Variants in SNX1 observed in about 807,000 individuals in gnomAD.
SNX1 encodes sorting nexin 1.
A neutral mutation model predicts 71.8 loss-of-function variants in SNX1; 36 were observed. The observed-to-expected ratio is 0.50, with a 90% CI of 0.38 to 0.66. The LOEUF (loss-of-function observed/expected upper bound fraction) is 0.66. Ranked by LOEUF, SNX1 falls within the 30% of genes least tolerant of loss-of-function variation. The probability of loss-of-function intolerance (pLI) is 0.00; values close to 1 mark genes in which losing one functional copy is unlikely to be tolerated. For missense variants in SNX1, 612 were observed against 646.7 expected, an observed-to-expected ratio of 0.95 and a Z score of 0.58; for synonymous variants, 254 against 240.7, an observed-to-expected ratio of 1.06 and a Z score of -0.51.
rs577394279 is a variant in SNX1, at chr15:64,112,699, A to C, written c.271+15A>C. On this transcript the variant is annotated intron_variant, in intron 2 of 14. Coordinates refer to ENST00000559844, the MANE Select transcript of SNX1 (RefSeq NM_003099.5). The stretch of plus-strand genomic sequence containing the variant: ...TCTCTTTGCAGGCAAGTTTGGACTC[A>C]AAAGTTACTCTAGGAACCTCCTAAA... The C allele has an allele frequency of 5.5e-4, 850 of 1,556,382 alleles. 10 individuals carry two copies. In the South Asian group the frequency reaches 8.8e-3, roughly 16 times the overall value.
chr15:64,135,166 G>A (rs1486450048), intron 12 of SNX1, among the ~76,000 whole-genome samples: 1 of 151,904 alleles, frequency 6.6e-6, no homozygotes, highest in South Asian at 2.1e-4. Flanking sequence ...TCAACAGGCT[G>A]GAGTGCAGTG....
chr15:64,119,363 C>T (rs1274005224), intron 4 of SNX1, among the ~76,000 whole-genome samples: 1 of 152,084 alleles, frequency 6.6e-6, no homozygotes, highest in Non-Finnish European at 1.5e-5. Flanking sequence ...CTCAAGTGAT[C>T]CTCCTGCCTT....
chr15:64,126,076 A>C lies in SNX1; in HGVS notation c.511-3A>C. ...TTGCCTTGTGTTTTTTCCTGTCCCCAAGACAAGCTTACCATTGTTCAGAAG... is the reference window on the plus strand; with the variant it reads ...TTGCCTTGTGTTTTTTCCTGTCCCCCAGACAAGCTTACCATTGTTCAGAAG... On this transcript the variant is annotated splice_region_variant and splice_polypyrimidine_tract_variant and intron_variant, in intron 5 of 14. Coordinates refer to ENST00000559844, the MANE Select transcript of SNX1 (RefSeq NM_003099.5). 1.2e-6 allele frequency: 2 copies of C among 1,614,084 alleles called. No individual in the cohort carries two copies. The highest frequency in any genetic ancestry group is 1.7e-6 in the Non-Finnish European group (2 of 1,179,994).
chr15:64,100,928 C>A (rs1298397531), intron 1 of SNX1, among the ~76,000 whole-genome samples: 1 of 152,162 alleles, frequency 6.6e-6, no homozygotes, highest in East Asian at 1.9e-4. Flanking sequence ...CCTCAGCCTC[C>A]TGCGTAGCAT....
At chr15:64,124,055 C>T (rs1230655253) in intron 5 of SNX1, among the ~76,000 whole-genome samples, 1 of 150,542 alleles carries the variant, frequency 6.6e-6, no homozygotes, top group East Asian at 1.9e-4. Flanking sequence ...ATTGGATCCA[C>T]CTGCGTGTTT....
chr15:64,136,893 G>A lies in SNX1; in HGVS notation c.1479G>A (p.Val493=). 1.9e-6 allele frequency: 3 copies of A among 1,613,968 alleles called. No homozygotes were observed. The highest frequency in any genetic ancestry group is 2.5e-6 in the Non-Finnish European group (3 of 1,179,908). The change falls in exon 14 of 15, where the codon GTG becomes GTA. Residue 493 remains valine (V), a synonymous_variant. Transcript: ENST00000559844. The part of the protein sequence containing the change: ...KEKSKDFKNH[V]IKYLETLLYS... ...AATCCAAGGACTTCAAGAACCACGT[G>A]ATCAAGTACCTTGAGACACTCCTTT...
In SNX1 at chr15:64,142,223, C is replaced by T. The variant is rs2081421298; in HGVS notation, c.*4605C>T. On this transcript the variant is annotated 3_prime_UTR_variant, in exon 15 of 15. Coordinates refer to ENST00000559844, the MANE Select transcript of SNX1 (RefSeq NM_003099.5). ...GTGTGTGGTGGTGCATGCCTGTAGG[C>T]CCAGCTACGCGGGAACATCACCTGA... 1 of 164,008 alleles carries T rather than the reference C, an allele frequency of 6.1e-6. No homozygotes were observed. The highest frequency in any genetic ancestry group is 6.2e-5 in the Admixed American group (1 of 16,154). The allele number at this position is 164,008 out of a possible 1,614,324, so 10.2% of individuals were successfully genotyped here.
In SNX1 at chr15:64,143,733, A is replaced by G. The variant is rs1170037457; in HGVS notation, c.*6115A>G. ...TGAAGCAGGCATTTTCCAATGCCCT[A>G]GATGGGAATATAAGTGTAAGGAGAT... On this transcript the variant is annotated 3_prime_UTR_variant, in exon 15 of 15. Transcript: ENST00000559844. 6.6e-6 allele frequency: 1 copy of G among 152,226 alleles called. No homozygotes were observed. The highest frequency in any genetic ancestry group is 2.4e-5 in the African/African-American group (1 of 41,452). The allele number at this position is 152,226 out of a possible 1,614,324, so 9.4% of individuals were successfully genotyped here.
chr15:64,134,390 C>T lies in SNX1; in HGVS notation c.1222-274C>T, dbSNP rs2081336270. 5 of 436,550 alleles carry T rather than the reference C, an allele frequency of 1.1e-5. No individual in the cohort carries two copies. In the East Asian group the frequency reaches 1.7e-4, roughly 14 times the overall value. 27.0% of individuals were successfully genotyped at this position (436,550 alleles called of 1,614,324 possible). ...CACTTCTGTAAGCCATAGTATTGGTCACTGGCATGAGGCCACCTACTGGAT... is the reference window on the plus strand; with the variant it reads ...CACTTCTGTAAGCCATAGTATTGGTTACTGGCATGAGGCCACCTACTGGAT... On this transcript the variant is annotated intron_variant, in intron 11 of 14. Coordinates refer to ENST00000559844, the MANE Select transcript of SNX1 (RefSeq NM_003099.5). This position sits in a 1 kb window ranked among gnomAD's most constrained non-coding sequence, Gnocchi z 4.1.
rs1194119256 is a variant in SNX1, at chr15:64,142,394, G to T, written c.*4776G>T. On this transcript the variant is annotated 3_prime_UTR_variant, in exon 15 of 15. Transcript: ENST00000559844. ...TTTAAGTAGGGGAGATAGAGTTAAA[G>T]GAGGCTTTGTTTTATTTAAAGGTGG... is the stretch of plus-strand genomic sequence containing the variant. The T allele has an allele frequency of 1.0e-5, 3 of 286,412 alleles. No homozygotes were observed. The East Asian group carries it at 2.9e-4, about 27-fold the overall frequency. 17.7% of individuals were successfully genotyped at this position (286,412 alleles called of 1,614,324 possible).
At position 64,138,279 on chromosome 15, in the gene SNX1, A is replaced by C. The variant is rs78118062; in HGVS notation, c.*661A>C. 2.4e-4 allele frequency: 308 copies of C among 1,288,994 alleles called. 1 individual carries two copies. The Middle Eastern group carries it at 2.8e-3, about 12-fold the overall frequency. 79.8% of individuals were successfully genotyped at this position (1,288,994 alleles called of 1,614,324 possible). On this transcript the variant is annotated 3_prime_UTR_variant, in exon 15 of 15. Coordinates refer to ENST00000559844, the MANE Select transcript of SNX1 (RefSeq NM_003099.5). ...TCTTAAAATAAGAGGAGCAAAATCT[A>C]TTAAAACCTATTCTCCTGCAAAGGA...
In SNX1 at chr15:64,143,941, C is replaced by T. The variant is rs375522788; in HGVS notation, c.*6323C>T. ...TAAATGAATTATGGTACAGTTACAC[C>T]GTTGAATATTTTACAGCCATTGAAG... is the stretch of plus-strand genomic sequence containing the variant. On this transcript the variant is annotated 3_prime_UTR_variant, in exon 15 of 15. Transcript: ENST00000559844. The T allele has an allele frequency of 5.3e-5, 8 of 152,176 alleles. No individual in the cohort carries two copies. The highest frequency in any genetic ancestry group is 2.1e-4 in the South Asian group (1 of 4,818). 9.4% of individuals were successfully genotyped at this position (152,176 alleles called of 1,614,324 possible). A position where few individuals can be genotyped will look rare whatever the true frequency, so the allele number is the denominator to read the frequency against.
chr15:64,136,778 G>C, intron 13 of SNX1, 83 bp from the exon 14 acceptor site: 1 of 969,310 alleles, frequency 1.0e-6, no homozygotes, highest in Non-Finnish European at 1.6e-6. Context: ...GACTGTGTTT[G>C]GCCTTGGTCA....
At chr15:64,100,640 A>G (rs1056120245) in intron 1 of SNX1, among the ~76,000 whole-genome samples, 5 of 151,486 alleles carry the variant, frequency 3.3e-5, no homozygotes, top group Non-Finnish European at 7.4e-5. Flanking sequence ...ACTCAAAAAA[A>G]TTACTGAAAT....
intron 2 of SNX1, among the ~76,000 whole-genome samples, chr15:64,114,917 A>G (rs1337818118): frequency 6.6e-6 from 1 of 152,132 alleles, no homozygotes; most frequent in Non-Finnish European, 1.5e-5. Context: ...CAAGGTGGGA[A>G]GATTCCTTGA....
chr15:64,133,103 T>G (rs1310014059), intron 11 of SNX1, among the ~76,000 whole-genome samples: 1 of 152,178 alleles, frequency 6.6e-6, no homozygotes, highest in Non-Finnish European at 1.5e-5. Flanking sequence ...GAAGTGTGCC[T>G]CATGGCACAT....
In SNX1 at chr15:64,134,360, G is replaced by A. The variant is rs577809543; in HGVS notation, c.1222-304G>A. 23 of 308,578 alleles carry A rather than the reference G, an allele frequency of 7.5e-5. No homozygotes were observed. The East Asian group carries it at 1.3e-3, about 17-fold the overall frequency. 19.1% of individuals were successfully genotyped at this position (308,578 alleles called of 1,614,324 possible). A position where few individuals can be genotyped will look rare whatever the true frequency, so the allele number is the denominator to read the frequency against. ...AGCCTTATGAACTGACTGATCTGAG[G>A]GAGGCACTTCTGTAAGCCATAGTAT... On this transcript the variant is annotated intron_variant, in intron 11 of 14. Coordinates refer to ENST00000559844, the MANE Select transcript of SNX1 (RefSeq NM_003099.5). The surrounding 1 kb of genome is among the most constrained non-coding windows in gnomAD (Gnocchi z 4.1).
chr15:64,132,890 C>G (rs574174049), intron 11 of SNX1, among the ~76,000 whole-genome samples: 1 of 152,318 alleles, frequency 6.6e-6, no homozygotes, highest in South Asian at 2.1e-4. Context: ...ATGAGTCTAC[C>G]TGCTATGTAA....
intron 1 of SNX1, among the ~76,000 whole-genome samples, chr15:64,098,433 C>T (rs950673512): frequency 6.6e-5 from 10 of 152,176 alleles, no homozygotes; most frequent in Admixed American, 5.9e-4. Context: ...GCCATGCACA[C>T]GTGTAATCTC....
Sources: gnomAD v4.1 joint callset for allele counts (sites outside exome capture counted in the v4.1 genomes callset) on GRCh38, gnomAD v4.1.1 for gene constraint, Gnocchi (gnomAD v3.1) non-coding constraint, MANE v1.5 for transcripts, NCBI Gene and HGNC (gene_info 2026-07-23, HGNC 2026-07-21) for gene names.